Variants in ZNF135 observed in about 807,000 individuals in gnomAD.
The protein encoded by ZNF135 is zinc finger protein 135.
A neutral mutation model predicts 12.3 loss-of-function variants in ZNF135; 11 were observed. The ratio of observed to expected loss-of-function variants is 0.89; its 90% CI spans 0.56 to 1.48. ZNF135 has a LOEUF of 1.48. Among genes scored for constraint, ZNF135 ranks in the 40% most tolerant of loss-of-function variants. ZNF135 has a pLI of 0.00. For synonymous variants in ZNF135, 316 were observed against 312.0 expected (o/e 1.01, Z -0.14); for missense variants, 722 against 815.7 (o/e 0.89, Z 1.40).
Position 58,063,199 on chromosome 19 carries a change from G to A in ZNF135, c.161-247G>A, listed in dbSNP as rs1044541718. On this transcript the variant is annotated intron_variant, in intron 3 of 4. Transcript: ENST00000313434. The surrounding 1 kb of genome is among the most constrained non-coding windows in gnomAD (Gnocchi z 4.4). ...AGTGATCATTGATGCCAGTGGGCAG[G>A]GGAGGAACCAGAGTTCTGATTGTCC... 1.3e-5 allele frequency among the ~76,000 whole-genome samples: 2 copies of A among 152,178 alleles called. No individual in the cohort carries two copies. The highest frequency in any genetic ancestry group is 2.4e-5 in the African/African-American group (1 of 41,440).
chr19:58,059,820 C>G lies in ZNF135; in HGVS notation c.-34-149C>G. ...AGGCTGCCCTTCTCCGAGCGGAGGGCCGCCCCACACACAGCAGGCGCTTAA... is the reference window on the plus strand; with the variant it reads ...AGGCTGCCCTTCTCCGAGCGGAGGGGCGCCCCACACACAGCAGGCGCTTAA... On this transcript the variant is annotated intron_variant, in intron 1 of 4. Transcript: ENST00000313434. The surrounding 1 kb of genome is among the most constrained non-coding windows in gnomAD (Gnocchi z 6.5). The G allele has an allele frequency of 1.1e-6, 1 of 939,672 alleles. No homozygotes were observed. The highest frequency in any genetic ancestry group is 1.5e-6 in the Non-Finnish European group (1 of 648,846). 58.2% of individuals were successfully genotyped at this position (939,672 alleles called of 1,614,324 possible).
At chr19:58,066,694 C>T in intron 4 of ZNF135, 47 bp from the exon 5 acceptor site, 3 of 1,596,660 alleles carry the variant, frequency 1.9e-6, no homozygotes, top group Non-Finnish European at 2.6e-6. Flanking sequence ...AACTCTTTTG[C>T]CGTGGAACAG....
intron 3 of ZNF135, among the ~76,000 whole-genome samples, chr19:58,062,921 G>A (rs1469882024): frequency 6.6e-6 from 1 of 152,004 alleles, no homozygotes; most frequent in East Asian, 1.9e-4. Flanking sequence ...AAGCTTCTAG[G>A]CTAAAGTGAT....
Position 58,063,686 on chromosome 19 carries a change from G to A in ZNF135, c.256+145G>A. On this transcript the variant is annotated intron_variant, in intron 4 of 4. Transcript: ENST00000313434. The surrounding 1 kb of genome is among the most constrained non-coding windows in gnomAD (Gnocchi z 4.4). ...TTACCAAGCACCCATTTTGCTGTGAGTGACGACACCACGTCCTCATCTCCA... is the reference window on the plus strand; with the variant it reads ...TTACCAAGCACCCATTTTGCTGTGAATGACGACACCACGTCCTCATCTCCA... 1 of 1,437,736 alleles carries A rather than the reference G, an allele frequency of 7.0e-7. No homozygotes were observed. The highest frequency in any genetic ancestry group is 9.1e-7 in the Non-Finnish European group (1 of 1,092,988). The allele number at this position is 1,437,736 out of a possible 1,614,324, so 89.1% of individuals were successfully genotyped here. A position where few individuals can be genotyped will look rare whatever the true frequency, so the allele number is the denominator to read the frequency against.
At chr19:58,064,611 G>A (rs2074036002) in intron 4 of ZNF135, among the ~76,000 whole-genome samples, 1 of 151,968 alleles carries the variant, frequency 6.6e-6, no homozygotes, top group African/African-American at 2.4e-5. Flanking sequence ...GCTGGGAGCA[G>A]TGGCTCACAC....
At position 58,067,493 on chromosome 19, in the gene ZNF135, C is replaced by A; in HGVS notation, c.1009C>A (p.Gln337Lys). 1 of 1,613,986 alleles carries A rather than the reference C, an allele frequency of 6.2e-7. No homozygotes were observed. The highest frequency in any genetic ancestry group is 2.2e-5 in the East Asian group (1 of 44,852). Residue 337 changes from glutamine to lysine, a missense_variant, in exon 5 of 5, where the codon CAA becomes AAA. Transcript: ENST00000313434. The stretch of plus-strand genomic sequence containing the variant: ...CAGTGAGTGTGGGAAAGCCTTCCGG[C>A]AAAGCATCCACCTCACCCAGCATCT... The part of the protein sequence containing the change: ...ECSECGKAFR[Q>K]SIHLTQHLRI...
intron 4 of ZNF135, among the ~76,000 whole-genome samples, chr19:58,064,822 G>A (rs1222129090): frequency 2.0e-5 from 3 of 152,158 alleles, no homozygotes; most frequent in African/African-American, 7.2e-5. Context: ...ACTAGGAGGT[G>A]GAGGTTGTGA....
At position 58,068,539 on chromosome 19, in the gene ZNF135, C is replaced by T. The variant is rs771555454; in HGVS notation, c.*78C>T. On this transcript the variant is annotated 3_prime_UTR_variant, in exon 5 of 5. Coordinates refer to ENST00000313434, the MANE Select transcript of ZNF135 (RefSeq NM_001289401.2). ...CCTTTCTAGATTTGACCCAATCATA[C>T]ACATGAGAAACGTACATTCATACAC... 2.0e-6 allele frequency: 3 copies of T among 1,513,602 alleles called. No homozygotes were observed. The highest frequency in any genetic ancestry group is 2.5e-5 in the South Asian group (2 of 79,482). The allele number at this position is 1,513,602 out of a possible 1,614,324, so 93.8% of individuals were successfully genotyped here. A position where few individuals can be genotyped will look rare whatever the true frequency, so the allele number is the denominator to read the frequency against.
intron 2 of ZNF135, among the ~76,000 whole-genome samples, chr19:58,061,127 C>CA (rs1555795734): frequency 4.4e-5 from 2 of 45,212 alleles, no homozygotes; most frequent in African/African-American, 1.1e-4. Context: ...GACTCCGTCT[C>CA]GGGGGAAAAA....
At position 58,067,423 on chromosome 19, in the gene ZNF135, C is replaced by T. The variant is rs750937227; in HGVS notation, c.939C>T (p.Phe313=). 2 of 1,614,064 alleles carry T rather than the reference C, an allele frequency of 1.2e-6. No homozygotes were observed. The highest frequency in any genetic ancestry group is 2.2e-5 in the South Asian group (2 of 91,072). ...AATCCTTCAGTTTTAGGTCCTCCTT[C>T]AGCCAGCACGAGCGAACTCACACAG... The part of the protein sequence containing the change: ...CGKSFSFRSS[F]SQHERTHTGE... Residue 313 remains phenylalanine (F), a synonymous_variant, in exon 5 of 5, where the codon TTC becomes TTT. Transcript: ENST00000313434.
rs780464642 is a variant in ZNF135 at position 58,067,334 on chromosome 19, C to T, written c.850C>T (p.Pro284Ser). The T allele has an allele frequency of 1.1e-5, 17 of 1,614,106 alleles. No homozygotes were observed. Among genetic ancestry groups the T allele is most frequent in the Non-Finnish European group, 1.2e-5 (14 of 1,180,014 alleles). The part of the protein sequence containing the change: ...QCGRTFNQIA[P>S]LIQHQRTHTG... ...TGGGAGGACCTTCAACCAAATTGCC[C>T]CACTGATCCAGCACCAGAGAACTCA... Residue 284 changes from proline to serine, a missense_variant, in exon 5 of 5, where the codon CCA becomes TCA. Transcript: ENST00000313434.
Position 58,066,599 on chromosome 19 carries a change from CTA to C in ZNF135, c.257-138_257-137del, listed in dbSNP as rs1427584394. ...TCTCTTCCTTTCCTGGTTTGCAAAA[CTA>C]TATTTTTAAATGGTCAAAGCCACTT... On this transcript the variant is annotated intron_variant, in intron 4 of 4. Transcript: ENST00000313434. 3.4e-6 allele frequency: 4 copies of C among 1,177,832 alleles called. No individual in the cohort carries two copies. The African/African-American group carries it at 6.2e-5, about 18-fold the overall frequency. The allele number at this position is 1,177,832 out of a possible 1,614,324, so 73.0% of individuals were successfully genotyped here.
intron 2 of ZNF135, 62 bp from the exon 3 acceptor site, chr19:58,061,518 C>G: frequency 1.3e-6 from 2 of 1,565,916 alleles, no homozygotes; most frequent in Non-Finnish European, 8.7e-7. Flanking sequence ...CATTTACCAG[C>G]TACCCCACCA....
Position 58,059,862 on chromosome 19 carries a change from C to T in ZNF135, c.-34-107C>T. 1 of 1,392,108 alleles carries T rather than the reference C, an allele frequency of 7.2e-7. No individual in the cohort carries two copies. Among genetic ancestry groups the T allele is most frequent in the Non-Finnish European group, 9.8e-7 (1 of 1,024,064 alleles). The allele number at this position is 1,392,108 out of a possible 1,614,324, so 86.2% of individuals were successfully genotyped here. Reference sequence around the variant, plus strand: ...GGCGCTTAAACGGGTACGCGGGGCCCTGGACGGCTCTCCGCGGAGCTCCCC... The same window carrying T: ...GGCGCTTAAACGGGTACGCGGGGCCTTGGACGGCTCTCCGCGGAGCTCCCC... On this transcript the variant is annotated intron_variant, in intron 1 of 4. Coordinates refer to ENST00000313434, the MANE Select transcript of ZNF135 (RefSeq NM_001289401.2). This position sits in a 1 kb window ranked among gnomAD's most constrained non-coding sequence, Gnocchi z 6.5.
rs1430764692 is a variant in ZNF135, at chr19:58,067,649, A to G, written c.1165A>G (p.Lys389Glu). Residue 389 changes from lysine (K) to glutamate (E), a missense_variant, in exon 5 of 5, where the codon AAA becomes GAA. Physicochemically the swap from Lys to Glu is moderately conservative, Grantham distance 56 (BLOSUM62 1). Coordinates refer to ENST00000313434, the MANE Select transcript of ZNF135 (RefSeq NM_001289401.2). ...GCCCTACGAGTGCCATGAGTGTGGA[A>G]AAGCCTTCACCCAGATCACACCACT... is the stretch of plus-strand genomic sequence containing the variant. ...EKPYECHECG[K>E]AFTQITPLIQ... The G allele has an allele frequency of 6.2e-7, 1 of 1,613,816 alleles. No individual in the cohort carries two copies. Among genetic ancestry groups the G allele is most frequent in the South Asian group, 1.1e-5 (1 of 91,054 alleles).
Position 58,063,523 on chromosome 19 carries a change from C to A in ZNF135, c.238C>A (p.Pro80Thr). 2 of 1,614,126 alleles carry A rather than the reference C, an allele frequency of 1.2e-6. No homozygotes were observed. The highest frequency in any genetic ancestry group is 2.2e-5 in the South Asian group (2 of 91,084). Reference sequence around the variant, plus strand: ...GCTGTGGGCGGTGGAGTCTAGACTTCCCCAAGGCGTGTACCCAGGTGAGAT... The same window carrying A: ...GCTGTGGGCGGTGGAGTCTAGACTTACCCAAGGCGTGTACCCAGGTGAGAT... ...AELWAVESRL[P>T]QGVYPDLETR... The change falls in exon 4 of 5, where the codon CCC (proline) becomes ACC (threonine). Residue 80 changes from proline (P) to threonine (T), a missense_variant. Transcript: ENST00000313434. The surrounding 1 kb of genome is among the most constrained non-coding windows in gnomAD (Gnocchi z 4.4).
At chr19:58,064,458 G>A (rs2074034265) in intron 4 of ZNF135, among the ~76,000 whole-genome samples, 1 of 152,122 alleles carries the variant, frequency 6.6e-6, no homozygotes, top group Admixed American at 6.5e-5. Context: ...CAATGAGGAT[G>A]AAGATCTTTA....
chr19:58,062,746 GC>G (rs2074003275), intron 3 of ZNF135, among the ~76,000 whole-genome samples: 1 of 151,494 alleles, frequency 6.6e-6, no homozygotes, highest in Non-Finnish European at 1.5e-5. Flanking sequence ...AGGGTGGAGT[GC>G]TGTGGCACAG....
intron 3 of ZNF135, among the ~76,000 whole-genome samples, chr19:58,062,549 ATT>A (rs35708367): frequency 0.27 from 38,636 of 143,500 alleles, 5,069 homozygotes; most frequent in Middle Eastern, 0.32. Flanking sequence ...CGCCTGGCTA[ATT>A]TTTTTTTTTT....
Sources: gnomAD v4.1 joint callset for allele counts (sites outside exome capture counted in the v4.1 genomes callset) on GRCh38, gnomAD v4.1.1 for gene constraint, Gnocchi (gnomAD v3.1) non-coding constraint, MANE v1.5 for transcripts, NCBI Gene and HGNC (gene_info 2026-07-23, HGNC 2026-07-21) for gene names.